The following ARSG variants were observed in gnomAD, a reference collection of about 807,000 sequenced individuals.
The protein encoded by ARSG is ASG.
In ARSG, 37 loss-of-function variants were observed where a neutral mutation model predicts 50.5. The observed-to-expected ratio is 0.73, with a 90% CI of 0.56 to 0.96. ARSG has a LOEUF of 0.96. Among genes scored for constraint, ARSG ranks in the 50% least tolerant of loss-of-function variants. The pLI is 0.00. For missense variants in ARSG, 629 were observed against 675.3 expected (o/e 0.93, Z 0.76); for synonymous variants, 225 against 254.6 (o/e 0.88, Z 1.11).
At chr17:68,416,347 C>T (rs549172604) in intron 11 of ARSG, among the ~76,000 whole-genome samples, 1 of 152,244 alleles carries the variant, frequency 6.6e-6, no homozygotes, top group East Asian at 1.9e-4. Flanking sequence ...GATATGGCCC[C>T]AGTCCTTTCT....
chr17:68,385,298 T>A lies in ARSG; in HGVS notation c.1091+126T>A. On this transcript the variant is annotated intron_variant, in intron 9 of 11. Transcript: ENST00000621439. ...TGGGTGGCTAGAGGCCTCAGGAAGG[T>A]CATTCACCACTTGCCTTTGCCGGGT... 3 of 724,096 alleles carry A rather than the reference T, an allele frequency of 4.1e-6. No individual in the cohort carries two copies. The South Asian group carries it at 5.1e-5, about 12-fold the overall frequency. 44.9% of individuals were successfully genotyped at this position (724,096 alleles called of 1,614,324 possible).
the ARSG span, chr17:68,435,542 T>C: frequency 7.2e-7 from 1 of 1,385,748 alleles, no homozygotes; most frequent in Non-Finnish European, 1.0e-6. Context: ...GTCACCAGGT[T>C]TGTTCAATCC....
chr17:68,370,711 A>G (rs2079797205), intron 8 of ARSG, among the ~76,000 whole-genome samples, 187 bp downstream of exon 8: 1 of 152,094 alleles, frequency 6.6e-6, no homozygotes, highest in Admixed American at 6.5e-5. Context: ...GGTGGAGAAA[A>G]CGACTGCTCA....
chr17:68,401,291 G>T, intron 10 of ARSG, 69 bp from the exon 11 acceptor site: 1 of 1,392,834 alleles, frequency 7.2e-7, no homozygotes, highest in Non-Finnish European at 1.0e-6. Flanking sequence ...CCAAGGTATT[G>T]GGATTACAGG....
the ARSG span, chr17:68,433,557 A>G: frequency 6.2e-7 from 1 of 1,613,808 alleles, no homozygotes; most frequent in Non-Finnish European, 8.5e-7. Context: ...TGAACACTAG[A>G]GAGCTGATTG....
intron 2 of ARSG, among the ~76,000 whole-genome samples, chr17:68,317,964 T>G (rs1464305168): frequency 2.0e-5 from 3 of 152,128 alleles, no homozygotes; most frequent in Non-Finnish European, 4.4e-5. Flanking sequence ...CCGGGCGTGG[T>G]GGCGGGTGCC....
rs1403183208 is a variant in ARSG, at chr17:68,367,356, AG to A, written c.705-1189del. 7.2e-5 allele frequency among the ~76,000 whole-genome samples: 11 copies of A among 152,326 alleles called. No homozygotes were observed. The East Asian group carries it at 2.1e-3, about 29-fold the overall frequency. The stretch of plus-strand genomic sequence containing the variant: ...GCAAGGCTGTAAGGTGGTGTAAACC[AG>A]GGTGAGCTAAGGAGAACCCTGGGGC... On this transcript the variant is annotated intron_variant, in intron 6 of 11. Transcript: ENST00000621439. This position sits in a 1 kb window ranked among gnomAD's most constrained non-coding sequence, Gnocchi z 4.5.
chr17:68,439,237 A>C, the ARSG span, among the ~76,000 whole-genome samples: 4 of 152,256 alleles, frequency 2.6e-5, no homozygotes, highest in African/African-American at 7.2e-5. Context: ...CCCAAATGTT[A>C]TCAACTGATA....
At chr17:68,267,369 G>C (rs1403803967) in intron 1 of ARSG, 2 of 152,166 alleles carry the variant, frequency 1.3e-5, no homozygotes, top group African/African-American at 4.8e-5. Flanking sequence ...TTTAGATTAT[G>C]CCTGTTTTTG....
chr17:68,363,256 T>C lies in ARSG; in HGVS notation c.705-5292T>C, dbSNP rs886928248. Among the ~76,000 whole-genome samples, 9 of 152,168 alleles carry C rather than the reference T, an allele frequency of 5.9e-5. No individual in the cohort carries two copies. In the South Asian group the frequency reaches 6.2e-4, roughly 11 times the overall value. On this transcript the variant is annotated intron_variant, in intron 6 of 11. Transcript: ENST00000621439. ...ACTGATTAAGTGTTTTGGGGCAAGA[T>C]AACAGGGAGAATACTGCTGAGAGAG...
Position 68,310,241 on chromosome 17 carries a change from T to C in ARSG, c.218+2530T>C, listed in dbSNP as rs532637540. ...TCCCAAAATGCTGGGATTACAAGCG[T>C]GAGCCACCACACCCAGCCCCAACAT... On this transcript the variant is annotated intron_variant, in intron 2 of 11. Transcript: ENST00000621439. Among the ~76,000 whole-genome samples, 8 of 152,270 alleles carry C rather than the reference T, an allele frequency of 5.3e-5. No homozygotes were observed. The East Asian group carries it at 1.5e-3, about 29-fold the overall frequency.
chr17:68,321,941 T>C (rs1163570024), intron 2 of ARSG, among the ~76,000 whole-genome samples: 1 of 152,036 alleles, frequency 6.6e-6, no homozygotes, highest in African/African-American at 2.4e-5. Context: ...TTAGTCCAAC[T>C]AAATGGAGAC....
chr17:68,318,849 C>T (rs1449346481), intron 2 of ARSG, among the ~76,000 whole-genome samples: 1 of 152,146 alleles, frequency 6.6e-6, no homozygotes, highest in Non-Finnish European at 1.5e-5. Flanking sequence ...GGACTTGAGG[C>T]TGTTTCTAAA....
chr17:68,354,739 C>G (rs2078958599), intron 5 of ARSG, among the ~76,000 whole-genome samples: 1 of 151,990 alleles, frequency 6.6e-6, no homozygotes, highest in African/African-American at 2.4e-5. Context: ...CAAAAATTAG[C>G]CAGGTGTGGT....
the ARSG span, among the ~76,000 whole-genome samples, chr17:68,431,460 G>A: frequency 2.0e-5 from 3 of 152,070 alleles, no homozygotes; most frequent in African/African-American, 7.2e-5. Flanking sequence ...GTGGCTGCTG[G>A]GCTCTGCAGC....
In ARSG at chr17:68,395,131, C is replaced by T. The variant is rs150072981; in HGVS notation, c.1150C>T (p.Arg384Trp). Residue 384 changes from arginine (R) to tryptophan (W), a missense_variant, in exon 10 of 12, where the codon CGG (arginine) becomes TGG (tryptophan). By Grantham distance (101) the Arg-to-Trp change is moderately radical (BLOSUM62 -3). Coordinates refer to ENST00000621439, the MANE Select transcript of ARSG (RefSeq NM_001267727.2). ...GGCCCAGGCCAGCTTACCTCAAGGA[C>T]GGCGCTTTGATGGTGTGGACGTCTC... ...ALAQASLPQG[R>W]RFDGVDVSEV... is the part of the protein sequence containing the mutation. 117 of 1,614,114 alleles carry T rather than the reference C, an allele frequency of 7.2e-5. No homozygotes were observed. The highest frequency in any genetic ancestry group is 1.1e-4 in the South Asian group (10 of 91,082).
At position 68,271,832 on chromosome 17, in the gene ARSG, C is replaced by G. The variant is rs782304242; in HGVS notation, c.-552+12406C>G. ...ATTTATTTACTTTTTGAGACAGAGT[C>G]TCACTCTGTCACCAGGCTGGAGTGC... On this transcript the variant is annotated intron_variant, in intron 1 of 11. Transcript: ENST00000448504. This position sits in a 1 kb window ranked among gnomAD's most constrained non-coding sequence, Gnocchi z 5.3. 7.2e-5 allele frequency among the ~76,000 whole-genome samples: 11 copies of G among 152,188 alleles called. 1 individual carries two copies. Among genetic ancestry groups the G allele is most frequent in the Admixed American group, 5.9e-4 (9 of 15,278 alleles).
chr17:68,357,564 T>C (rs2079088032), intron 6 of ARSG, among the ~76,000 whole-genome samples: 1 of 152,228 alleles, frequency 6.6e-6, no homozygotes, highest in Non-Finnish European at 1.5e-5. Context: ...TCTTTTGCCA[T>C]ATACCGTAAC....
rs568080880 is a variant in ARSG, at chr17:68,368,548, C to T, written c.705C>T (p.Ser235=). The T allele has an allele frequency of 2.5e-6, 4 of 1,613,140 alleles. No individual in the cohort carries two copies. In the South Asian group the frequency reaches 4.4e-5, roughly 18 times the overall value. ...TCACCTCTTGGTTCTCCTGTTTCAG[C>T]ACCAGCGGGAGGCCCTTCCTGCTCT... ...EKATQFIQRA[S]TSGRPFLLYV... is the part of the protein sequence containing the mutation. The change falls in exon 7 of 12, where the codon AGC becomes AGT. Residue 235 remains serine, a splice_region_variant and synonymous_variant. Coordinates refer to ENST00000621439, the MANE Select transcript of ARSG (RefSeq NM_001267727.2).
Sources: allele counts gnomAD v4.1 joint callset (sites outside exome capture counted in the v4.1 genomes callset), GRCh38; gene constraint gnomAD v4.1.1; non-coding constraint Gnocchi (gnomAD v3.1); transcripts MANE v1.5; gene names NCBI Gene and HGNC (gene_info 2026-07-23, HGNC 2026-07-21).